The following GRID2 variants were observed in gnomAD, a reference collection of about 807,000 sequenced individuals.
The protein encoded by GRID2 is glutamate ionotropic receptor delta type subunit 2.
A neutral mutation model predicts 114.8 loss-of-function variants in GRID2; 33 were observed. The ratio of observed to expected loss-of-function variants is 0.29; its 90% CI spans 0.22 to 0.38. GRID2 has a LOEUF of 0.38. Among genes scored for constraint, GRID2 ranks in the 10% least tolerant of loss-of-function variants. The pLI, the probability that GRID2 is intolerant of heterozygous loss-of-function variation, is 1.00. For synonymous variants in GRID2, 505 were observed against 449.9 expected, an observed-to-expected ratio of 1.12 and a Z score of -1.55; for missense variants, 1,184 against 1,257.7, an observed-to-expected ratio of 0.94 and a Z score of 0.89.
At chr4:93,385,786 T>C (rs1168877112) in intron 8 of GRID2, among the ~76,000 whole-genome samples, 1 of 152,158 alleles carries the variant, frequency 6.6e-6, no homozygotes, top group African/African-American at 2.4e-5. Flanking sequence ...ATTCTTTTCA[T>C]TAACAAACCA....
At chr4:92,726,312 C>G (rs2149320979) in intron 2 of GRID2, among the ~76,000 whole-genome samples, 1 of 152,228 alleles carries the variant, frequency 6.6e-6, no homozygotes, top group African/African-American at 2.4e-5. Context: ...TTACCACAAA[C>G]ACATAAGTAA....
At chr4:92,395,475 C>T (rs1247482266) in intron 1 of GRID2, among the ~76,000 whole-genome samples, 1 of 151,634 alleles carries the variant, frequency 6.6e-6, no homozygotes, top group Non-Finnish European at 1.5e-5. Flanking sequence ...TTTCACTTAT[C>T]AGGAAATTTA....
At chr4:92,724,177 C>T (rs1282403564) in intron 2 of GRID2, among the ~76,000 whole-genome samples, 2 of 152,068 alleles carry the variant, frequency 1.3e-5, no homozygotes, top group East Asian at 1.9e-4. Flanking sequence ...TTCAAAAAGG[C>T]GGTACCTTCT....
intron 15 of GRID2, among the ~76,000 whole-genome samples, chr4:93,770,206 T>C (rs1439552): frequency 0.89 from 135,223 of 152,210 alleles, 60,092 homozygotes; most frequent in East Asian, 0.97. Flanking sequence ...TCCATTGGAC[T>C]AAAGGGGTGA....
chr4:92,517,462 C>T (rs28480343), intron 1 of GRID2, among the ~76,000 whole-genome samples: 50,024 of 151,646 alleles, frequency 0.33, 8,271 homozygotes, highest in Non-Finnish European at 0.36. Flanking sequence ...TGGAAAGCTT[C>T]TCATATTTTA....
chr4:92,644,477 G>C (rs541067139), intron 2 of GRID2, among the ~76,000 whole-genome samples: 12 of 151,558 alleles, frequency 7.9e-5, no homozygotes, highest in Non-Finnish European at 1.6e-4. Flanking sequence ...TTTTTATTCA[G>C]CTCTTATATT....
intron 2 of GRID2, among the ~76,000 whole-genome samples, chr4:92,646,770 C>T (rs1731654047): frequency 6.6e-6 from 1 of 152,204 alleles, no homozygotes; most frequent in African/African-American, 2.4e-5. Context: ...TAAAATTGCA[C>T]CCATTTTGTG....
intron 2 of GRID2, among the ~76,000 whole-genome samples, chr4:92,945,532 TTA>T (rs1351162671): frequency 6.6e-6 from 1 of 152,118 alleles, no homozygotes; most frequent in Non-Finnish European, 1.5e-5. Context: ...CTCTAGGAAA[TTA>T]TGTTTGATTC....
chr4:93,141,006 C>T (rs540268154), intron 4 of GRID2, among the ~76,000 whole-genome samples: 79 of 152,192 alleles, frequency 5.2e-4, no homozygotes, highest in African/African-American at 1.9e-3. Flanking sequence ...AACTGTCTGC[C>T]TTCTTTATCT....
intron 1 of GRID2, among the ~76,000 whole-genome samples, chr4:92,377,690 A>C (rs1729420922): frequency 6.6e-6 from 1 of 152,172 alleles, no homozygotes; most frequent in Non-Finnish European, 1.5e-5. Flanking sequence ...GAGGCCTCAC[A>C]ATTATGGTGG....
chr4:92,870,095 G>A (rs749982289), intron 2 of GRID2, among the ~76,000 whole-genome samples: 39 of 151,810 alleles, frequency 2.6e-4, no homozygotes, highest in Non-Finnish European at 5.4e-4. Context: ...TAGCTACTTG[G>A]AAGACTGAGG....
At chr4:93,390,036 G>T (rs973768748) in intron 8 of GRID2, among the ~76,000 whole-genome samples, 2 of 152,076 alleles carry the variant, frequency 1.3e-5, no homozygotes, top group African/African-American at 2.4e-5. Context: ...TGATCTACCC[G>T]CCTTGGCCTC....
chr4:92,797,512 CAT>C (rs1027480082), intron 2 of GRID2, among the ~76,000 whole-genome samples: 5 of 151,848 alleles, frequency 3.3e-5, no homozygotes, highest in African/African-American at 9.7e-5. Context: ...AATGTATGCA[CAT>C]GTTTTGCATA....
chr4:92,765,440 C>T (rs954981253), intron 2 of GRID2, among the ~76,000 whole-genome samples: 10 of 152,108 alleles, frequency 6.6e-5, no homozygotes, highest in Admixed American at 3.3e-4. Context: ...TGGAAGCTGT[C>T]GTTGATCTCC....
At chr4:92,827,837 A>G (rs1342204392) in intron 2 of GRID2, among the ~76,000 whole-genome samples, 1 of 152,092 alleles carries the variant, frequency 6.6e-6, no homozygotes, top group African/African-American at 2.4e-5. Context: ...AGAGCTTGTT[A>G]TATTGCTGAC....
In GRID2 at chr4:93,046,176, T is replaced by A. The variant is rs544725523; in HGVS notation, c.245-38819T>A. 1.2e-4 allele frequency among the ~76,000 whole-genome samples: 18 copies of A among 152,194 alleles called. 1 individual carries two copies. In the South Asian group the frequency reaches 3.5e-3, roughly 30 times the overall value. The stretch of plus-strand genomic sequence containing the variant: ...CATAAATCACATCTTCCTATAACCA[T>A]GAAATGCTCTTCTAGTGTTTTCAGT... On this transcript the variant is annotated intron_variant, in intron 2 of 15. Transcript: ENST00000282020.
chr4:93,800,824 T>C (rs368078098), intron 1 of GRID2, among the ~76,000 whole-genome samples: 6 of 148,396 alleles, frequency 4.0e-5, no homozygotes, highest in South Asian at 2.2e-4. Flanking sequence ...TTCTTTTAAA[T>C]TGTAGATATA....
chr4:92,471,209 G>A (rs1390545188), intron 1 of GRID2, among the ~76,000 whole-genome samples: 2 of 152,006 alleles, frequency 1.3e-5, no homozygotes, highest in African/African-American at 4.8e-5. Flanking sequence ...TGAGGTATTG[G>A]TATAAGGTTA....
intron 1 of GRID2, among the ~76,000 whole-genome samples, chr4:92,390,713 A>G (rs189620933): frequency 2.0e-5 from 3 of 152,322 alleles, no homozygotes; most frequent in Admixed American, 2.0e-4. Context: ...GATCGATGAG[A>G]GGAATCTGAA....
Sources: gnomAD v4.1 joint callset for allele counts (sites outside exome capture counted in the v4.1 genomes callset) on GRCh38, gnomAD v4.1.1 for gene constraint, MANE v1.5 for transcripts, NCBI Gene and HGNC (gene_info 2026-07-23, HGNC 2026-07-21) for gene names.